The following FAT4 variants were observed in gnomAD, a reference collection of about 807,000 sequenced individuals.
FAT4 encodes FAT atypical cadherin 4, also known as protocadherin Fat 4.
Under a neutral mutation model 303.9 loss-of-function variants are expected in FAT4, and 84 were observed. The observed-to-expected ratio is 0.28, with a 90% CI of 0.23 to 0.33. The LOEUF is 0.33. Ranked by LOEUF, FAT4 falls within the 10% of genes least tolerant of loss-of-function variation. The probability of loss-of-function intolerance (pLI) is 1.00; values close to 1 mark genes in which losing one functional copy is unlikely to be tolerated. For missense variants in FAT4, 6,005 were observed against 6,146.8 expected, an observed-to-expected ratio of 0.98 and a Z score of 0.77; for synonymous variants, 2,307 against 2,298.8, an observed-to-expected ratio of 1.00 and a Z score of -0.10.
intron 16 of FAT4, among the ~76,000 whole-genome samples, chr4:125,483,476 A>G (rs1727297980): frequency 6.6e-6 from 1 of 152,118 alleles, no homozygotes; most frequent in Non-Finnish European, 1.5e-5. Context: ...TCAAAATACA[A>G]TGTGGTTGAA....
chr4:125,457,113 T>C (rs964953824), intron 10 of FAT4, among the ~76,000 whole-genome samples: 4 of 135,984 alleles, frequency 2.9e-5, no homozygotes, highest in African/African-American at 1.2e-4. Context: ...CCATACCCAG[T>C]TTCTCTCATA....
At position 125,491,416 on chromosome 4, in the gene FAT4, C is replaced by T. The variant is rs1727636185; in HGVS notation, c.14600C>T (p.Ser4867Phe). ...AGGGAGAAGCCAATGGTATATACTT[C>T]CAGAATGCCCAAATTATCTCAAGTC... ...YDREKPMVYT[S>F]RMPKLSQVNE... is the part of the protein sequence containing the mutation. Residue 4867 changes from serine (S) to phenylalanine (F), a missense_variant, in exon 18 of 18, where the codon TCC (serine) becomes TTC (phenylalanine). Physicochemically the swap from Ser to Phe is radical, Grantham distance 155 (BLOSUM62 -2). Transcript: ENST00000394329. 2 of 1,614,128 alleles carry T rather than the reference C, an allele frequency of 1.2e-6. No homozygotes were observed. The highest frequency in any genetic ancestry group is 2.2e-5 in the East Asian group (1 of 44,866).
At chr4:125,474,488 G>C (rs1211686795) in intron 12 of FAT4, among the ~76,000 whole-genome samples, 4 of 151,756 alleles carry the variant, frequency 2.6e-5, no homozygotes, top group African/African-American at 9.7e-5. Context: ...CCAGAGAATT[G>C]GAAGTATAAA....
rs560002068 is a variant in FAT4, at chr4:125,384,066, A to G, written c.5176-14718A>G. ...TGAATATATCACATTTTGTGTATTCATGCATCAGCTGATGGACATTTGGGT... is the reference window on the plus strand; with the variant it reads ...TGAATATATCACATTTTGTGTATTCGTGCATCAGCTGATGGACATTTGGGT... On this transcript the variant is annotated intron_variant, in intron 2 of 17. Transcript: ENST00000394329. Among the ~76,000 whole-genome samples the G allele has an allele frequency of 1.2e-4, 18 of 152,306 alleles. 1 individual carries two copies. The highest frequency in any genetic ancestry group is 4.3e-4 in the African/African-American group (18 of 41,580).
In FAT4 at chr4:125,319,466, C is replaced by G. The variant is rs761032436; in HGVS notation, c.3055C>G (p.Gln1019Glu). ...TGTGAATTCTCGATTCTTTAAAGTACAAGCTTCTGATAAGGATTCAGGAGC... is the reference window on the plus strand; with the variant it reads ...TGTGAATTCTCGATTCTTTAAAGTAGAAGCTTCTGATAAGGATTCAGGAGC... ...EPVNSRFFKVQASDKDSGANG... is the reference protein window; with the variant it reads ...EPVNSRFFKVEASDKDSGANG... Residue 1019 changes from glutamine to glutamate, a missense_variant, in exon 2 of 18, where the codon CAA becomes GAA. By Grantham distance (29) the Gln-to-Glu change is conservative. Coordinates refer to ENST00000394329, the MANE Select transcript of FAT4 (RefSeq NM_001291303.3). The G allele has an allele frequency of 6.2e-7, 1 of 1,613,284 alleles. No homozygotes were observed. Among genetic ancestry groups the G allele is most frequent in the Non-Finnish European group, 8.5e-7 (1 of 1,179,294 alleles).
intron 5 of FAT4, among the ~76,000 whole-genome samples, chr4:125,411,669 A>ATATACAT (rs1254179100): frequency 1.3e-5 from 2 of 150,176 alleles, no homozygotes; most frequent in Non-Finnish European, 3.0e-5. Flanking sequence ...TTGTGAGTAA[A>ATATACAT]TATACATATT....
At chr4:125,380,472 A>G (rs1733498039) in intron 2 of FAT4, among the ~76,000 whole-genome samples, 1 of 152,192 alleles carries the variant, frequency 6.6e-6, no homozygotes, top group South Asian at 2.1e-4. Flanking sequence ...TACATATGTA[A>G]TCCATACAAT....
rs766768313 is a variant in FAT4 at position 125,479,885 on chromosome 4, T to C, written c.12604+20T>C. 30 of 1,498,482 alleles carry C rather than the reference T, an allele frequency of 2.0e-5. No individual in the cohort carries two copies. The highest frequency in any genetic ancestry group is 1.6e-4 in the South Asian group (11 of 69,006). The allele number at this position is 1,498,482 out of a possible 1,614,324, so 92.8% of individuals were successfully genotyped here. ...AAAAATGTATGTAAGGTCTTCCGTC[T>C]TCCCCTGGAAATTTTAATAACTATG... On this transcript the variant is annotated intron_variant, in intron 15 of 17. Transcript: ENST00000394329.
At chr4:125,454,486 A>G (rs1316130575) in intron 10 of FAT4, among the ~76,000 whole-genome samples, 1 of 152,232 alleles carries the variant, frequency 6.6e-6, no homozygotes, top group East Asian at 1.9e-4. Context: ...CAAAATGGGA[A>G]TAATCATAAG....
At position 125,492,813 on chromosome 4, in the gene FAT4, C is replaced by CT. The variant is rs1409185637; in HGVS notation, c.*1052dup. ...TACTTTCAGGGAAGGTAAGAAAATA[C>CT]TTTTTTTATATTTGTTACTTATGTA... is the stretch of plus-strand genomic sequence containing the variant. On this transcript the variant is annotated 3_prime_UTR_variant, in exon 18 of 18. Coordinates refer to ENST00000394329, the MANE Select transcript of FAT4 (RefSeq NM_001291303.3). 2.6e-5 allele frequency: 4 copies of CT among 152,236 alleles called. No individual in the cohort carries two copies. Among genetic ancestry groups the CT allele is most frequent in the Non-Finnish European group, 2.9e-5 (2 of 67,952 alleles). 9.4% of individuals were successfully genotyped at this position (152,236 alleles called of 1,614,324 possible). A position where few individuals can be genotyped will look rare whatever the true frequency, so the allele number is the denominator to read the frequency against.
intron 8 of FAT4, among the ~76,000 whole-genome samples, chr4:125,437,964 TCAA>T (rs1323872136): frequency 3.3e-5 from 5 of 152,178 alleles, no homozygotes; most frequent in Non-Finnish European, 5.9e-5. Context: ...TCAATAAATG[TCAA>T]CCCATATTGT....
rs777627667 is a variant in FAT4, at chr4:125,440,606, T to TGAGAGAGAGAGAGAGAGAGA, written c.7200-5686_7200-5685insAGAGAGAGAGAGAGAGAGAG. On this transcript the variant is annotated intron_variant, in intron 8 of 17. Coordinates refer to ENST00000394329, the MANE Select transcript of FAT4 (RefSeq NM_001291303.3). ...TTGTGTGTGTGTGTGTGTGTGTGTG[T>TGAGAGAGAGAGAGAGAGAGA]GTGTGAGAGAGAGAGAGAGAGAGAG... 1.1e-3 allele frequency among the ~76,000 whole-genome samples: 33 copies of TGAGAGAGAGAGAGAGAGAGA among 29,734 alleles called. No homozygotes were observed. The South Asian group carries it at 0.016, about 15-fold the overall frequency. The allele number at this position is 29,734 out of a possible 152,430, so 19.5% of individuals were successfully genotyped here. A position where few individuals can be genotyped will look rare whatever the true frequency, so the allele number is the denominator to read the frequency against.
In FAT4 at chr4:125,449,991, T is replaced by G; in HGVS notation, c.8981T>G (p.Val2994Gly). The change falls in exon 10 of 18, where the codon GTC (valine) becomes GGC (glycine). Residue 2994 changes from valine (V) to glycine (G), a missense_variant. Physicochemically the swap from Val to Gly is moderately radical, Grantham distance 109. Coordinates refer to ENST00000394329, the MANE Select transcript of FAT4 (RefSeq NM_001291303.3). ...CTTAAAAGTAAATATTTCACTCCAG[T>G]CACCAAAAATGTTAAGGTTGGTACG... ...QFLKSKYFTP[V>G]TKNVKVGTKL... The G allele has an allele frequency of 1.2e-6, 2 of 1,613,858 alleles. No individual in the cohort carries two copies. Among genetic ancestry groups the G allele is most frequent in the Non-Finnish European group, 1.7e-6 (2 of 1,179,918 alleles).
intron 2 of FAT4, among the ~76,000 whole-genome samples, chr4:125,332,207 G>A (rs942658289): frequency 7.0e-6 from 1 of 142,760 alleles, no homozygotes; most frequent in Non-Finnish European, 1.5e-5. Context: ...AAGCCTGTAA[G>A]GAAGTCAAGC....
Position 125,333,314 on chromosome 4 carries a change from G to A in FAT4, c.5175+11728G>A, listed in dbSNP as rs187640063. Among the ~76,000 whole-genome samples, 658 of 152,128 alleles carry A rather than the reference G, an allele frequency of 4.3e-3. 7 individuals carry two copies. The highest frequency in any genetic ancestry group is 0.015 in the African/African-American group (613 of 41,522). ...AAACCCAAGGAACTTAATAGAATTC[G>A]TCCCACAGATGCTCAAAACAGACCT... is the stretch of plus-strand genomic sequence containing the variant. On this transcript the variant is annotated intron_variant, in intron 2 of 17. Transcript: ENST00000394329.
chr4:125,421,142 C>CCT (rs1229295733), intron 7 of FAT4, among the ~76,000 whole-genome samples: 1 of 152,122 alleles, frequency 6.6e-6, no homozygotes, highest in African/African-American at 2.4e-5. Context: ...AGGCTGGTCT[C>CCT]GAACCCCTGA....
chr4:125,401,987 C>T lies in FAT4; in HGVS notation c.5307+3072C>T, dbSNP rs1215172933. Among the ~76,000 whole-genome samples, 7 of 151,752 alleles carry T rather than the reference C, an allele frequency of 4.6e-5. No individual in the cohort carries two copies. The East Asian group carries it at 1.4e-3, about 29-fold the overall frequency. On this transcript the variant is annotated intron_variant, in intron 3 of 17. Transcript: ENST00000394329. The stretch of plus-strand genomic sequence containing the variant: ...GTTTCTTGTTTTGTTGCTGATATGG[C>T]ATATTTTGAATATTTAGTAAATAGA...
At chr4:125,405,876 C>T (rs1022227429) in intron 3 of FAT4, among the ~76,000 whole-genome samples, 1 of 151,982 alleles carries the variant, frequency 6.6e-6, no homozygotes, top group Non-Finnish European at 1.5e-5. Flanking sequence ...TATTGGATTA[C>T]CAAACTTAAT....
intron 11 of FAT4, among the ~76,000 whole-genome samples, chr4:125,467,020 G>A (rs61224465): frequency 0.35 from 52,175 of 150,932 alleles, 9,209 homozygotes; most frequent in East Asian, 0.59. Flanking sequence ...CTCGTGATCC[G>A]CCCACCTCGG....
Sources: allele counts gnomAD v4.1 joint callset (sites outside exome capture counted in the v4.1 genomes callset), GRCh38; gene constraint gnomAD v4.1.1; transcripts MANE v1.5; gene names NCBI Gene and HGNC (gene_info 2026-07-23, HGNC 2026-07-21).